The following GARIN1A variants were observed in gnomAD, a reference collection of about 807,000 sequenced individuals.
GARIN1A encodes the protein Golgi-associated RAB2 interactor protein 1A.
the GARIN1A span, chr7:128,675,574 TGC>T: frequency 1.6e-6 from 2 of 1,244,952 alleles, no homozygotes; most frequent in Non-Finnish European, 2.3e-6. Flanking sequence ...GCCCAGTGTG[TGC>T]ACACCTGCCC....
At chr7:128,686,430 G>C in the GARIN1A span, 1 of 152,134 alleles carries the variant, frequency 6.6e-6, no homozygotes, top group African/African-American at 2.4e-5. Context: ...TCAAGAACTT[G>C]CTTAAGGTCA....
the GARIN1A span, among the ~76,000 whole-genome samples, chr7:128,672,046 A>G: frequency 6.6e-6 from 1 of 152,136 alleles, no homozygotes; most frequent in Non-Finnish European, 1.5e-5. Flanking sequence ...GCCTTGGCAT[A>G]ACTTTGGGAG....
At chr7:128,675,705 T>G in the GARIN1A span, 1 of 1,613,814 alleles carries the variant, frequency 6.2e-7, no homozygotes, top group Non-Finnish European at 8.5e-7. Flanking sequence ...GAGAGATGTC[T>G]GTGAAGGGTC....
the GARIN1A span, chr7:128,677,848 T>C: frequency 1.3e-6 from 2 of 1,510,784 alleles, no homozygotes; most frequent in Non-Finnish European, 1.8e-6. Context: ...TGTCGAGAAA[T>C]AAGTATATAT....
chr7:128,675,537 A>G, the GARIN1A span: 1 of 819,214 alleles, frequency 1.2e-6, no homozygotes, highest in Admixed American at 2.2e-5. Context: ...AGGCCAATGA[A>G]AAGGATCAAT....
the GARIN1A span, among the ~76,000 whole-genome samples, chr7:128,681,884 C>CT: frequency 7.2e-6 from 1 of 139,178 alleles, no homozygotes; most frequent in African/African-American, 2.8e-5. Context: ...ACACTGCACC[C>CT]CCCCCCACAA....
At chr7:128,679,146 C>T in the GARIN1A span, among the ~76,000 whole-genome samples, 1 of 151,056 alleles carries the variant, frequency 6.6e-6, no homozygotes, top group Non-Finnish European at 1.5e-5. Flanking sequence ...TGTTCTTTGG[C>T]CATTTTTCTA....
At chr7:128,690,524 A>G in the GARIN1A span, 1 of 152,248 alleles carries the variant, frequency 6.6e-6, no homozygotes. Context: ...TGGCAGCCGC[A>G]GTTCAGTTTT....
At chr7:128,695,109 A>G in the GARIN1A span, among the ~76,000 whole-genome samples, 1 of 152,228 alleles carries the variant, frequency 6.6e-6, no homozygotes, top group Non-Finnish European at 1.5e-5. This position sits in a 1 kb window ranked among gnomAD's most constrained non-coding sequence, Gnocchi z 4.5. Flanking sequence ...AAAAGATGTT[A>G]CTATCTTTGC....
the GARIN1A span, among the ~76,000 whole-genome samples, chr7:128,689,393 G>GGGAGCGCCTCTGCCCCGTCTGGGATGTGA: frequency 6.6e-6 from 1 of 151,492 alleles, no homozygotes; most frequent in Non-Finnish European, 1.5e-5. Flanking sequence ...CTGAGATGTG[G>GGGAGCGCCTCTGCCCCGTCTGGGATGTGA]GGAGCGCCTC....
chr7:128,708,251 T>TC, the GARIN1A span, among the ~76,000 whole-genome samples: 1 of 151,070 alleles, frequency 6.6e-6, no homozygotes, highest in African/African-American at 2.4e-5. Flanking sequence ...GATCTCAAAC[T>TC]CCTGAGCTCA....
At chr7:128,678,976 A>G in the GARIN1A span, among the ~76,000 whole-genome samples, 2,877 of 117,694 alleles carry the variant, frequency 0.024, 98 homozygotes, top group African/African-American at 0.096. Flanking sequence ...ACATATATAC[A>G]TATGTAACGA....
the GARIN1A span, chr7:128,675,773 C>T: frequency 1.3e-5 from 21 of 1,613,686 alleles, 1 homozygote; most frequent in South Asian, 2.1e-4. Context: ...TCCCCAATGT[C>T]CTCCTGATGG....
the GARIN1A span, chr7:128,685,204 C>G: frequency 6.6e-6 from 1 of 152,182 alleles, no homozygotes; most frequent in African/African-American, 2.4e-5. Flanking sequence ...CCCAGCCCCA[C>G]CACGCCCACT....
At chr7:128,708,816 A>C in the GARIN1A span, among the ~76,000 whole-genome samples, 2 of 152,230 alleles carry the variant, frequency 1.3e-5, no homozygotes, top group Admixed American at 1.3e-4. Context: ...AAGGGGAGTC[A>C]TTCTGTGACA....
At chr7:128,679,473 G>A in the GARIN1A span, among the ~76,000 whole-genome samples, 2 of 152,158 alleles carry the variant, frequency 1.3e-5, no homozygotes, top group Non-Finnish European at 2.9e-5. Flanking sequence ...TTACAGGTGT[G>A]AGCCACTGCG....
At chr7:128,688,896 C>G in the GARIN1A span, among the ~76,000 whole-genome samples, 1 of 143,380 alleles carries the variant, frequency 7.0e-6, no homozygotes, top group Non-Finnish European at 1.5e-5. Flanking sequence ...ACTGCAACCT[C>G]CCTGCCTGAT....
At chr7:128,677,010 C>G in the GARIN1A span, among the ~76,000 whole-genome samples, 1 of 151,512 alleles carries the variant, frequency 6.6e-6, no homozygotes, top group Non-Finnish European at 1.5e-5. Flanking sequence ...CTGTTACTAC[C>G]AAAAAATACC....
chr7:128,673,365 ATT>A, the GARIN1A span, among the ~76,000 whole-genome samples: 8 of 244 alleles, frequency 0.033, no homozygotes, highest in Non-Finnish European at 0.08. Flanking sequence ...TGCTGGGGGC[ATT>A]CATTCAAGGC....
Sources: gnomAD v4.1 joint callset for allele counts (sites outside exome capture counted in the v4.1 genomes callset) on GRCh38, gnomAD v4.1.1 for gene constraint, Gnocchi (gnomAD v3.1) non-coding constraint, MANE v1.5 for transcripts, NCBI Gene and HGNC (gene_info 2026-07-23, HGNC 2026-07-21) for gene names.